Variants in HIPK2 observed in about 807,000 individuals in gnomAD.
HIPK2 encodes homeodomain interacting protein kinase 2, also known as homeodomain-interacting protein kinase 2.
In HIPK2, 27 loss-of-function variants were observed where a neutral mutation model predicts 113.7. The ratio of observed to expected loss-of-function variants is 0.24; its 90% confidence interval spans 0.17 to 0.33. The LOEUF (loss-of-function observed/expected upper bound fraction) is 0.33, where lower values mean the gene tolerates loss of function less well. Ranked by LOEUF, HIPK2 falls within the 10% of genes least tolerant of loss-of-function variation. The probability of loss-of-function intolerance (pLI) is 1.00; values close to 1 mark genes in which losing one functional copy is unlikely to be tolerated. For synonymous variants in HIPK2, 631 were observed against 642.2 expected, an observed-to-expected ratio of 0.98 and a Z score of 0.26; for missense variants, 1,257 against 1,588.0, an observed-to-expected ratio of 0.79 and a Z score of 3.54.
intron 2 of HIPK2, among the ~76,000 whole-genome samples, chr7:139,701,546 C>G (rs985374969): frequency 0.2 from 30,473 of 152,068 alleles, 3,445 homozygotes; most frequent in African/African-American, 0.31. Context: ...CTGAGACCTA[C>G]GTCTCTCTGT....
chr7:139,774,107 G>C (rs6947792), intron 1 of HIPK2, among the ~76,000 whole-genome samples: 9,711 of 152,212 alleles, frequency 0.064, 1,039 homozygotes, highest in African/African-American at 0.22. Context: ...GCCCAAACTG[G>C]AAAGGGAATC....
intron 2 of HIPK2, among the ~76,000 whole-genome samples, chr7:139,678,608 A>G (rs1326799253): frequency 3.3e-5 from 5 of 152,174 alleles, no homozygotes; most frequent in South Asian, 4.1e-4. Flanking sequence ...GTCAGGTAGC[A>G]TGATGCCGCT....
chr7:139,751,796 T>G (rs754679236), intron 1 of HIPK2, among the ~76,000 whole-genome samples: 2 of 152,132 alleles, frequency 1.3e-5, no homozygotes, highest in Non-Finnish European at 2.9e-5. Flanking sequence ...ACCCCAAAGA[T>G]AGACCTTCCA....
intron 9 of HIPK2, among the ~76,000 whole-genome samples, chr7:139,609,113 A>G (rs1222079916): frequency 1.3e-5 from 2 of 152,214 alleles, no homozygotes; most frequent in Non-Finnish European, 2.9e-5. Flanking sequence ...TACTGTCTCA[A>G]TCAAGAACTG....
chr7:139,600,309 T>C (rs1213001289), intron 11 of HIPK2, 108 bp downstream of exon 11: 2 of 1,275,832 alleles, frequency 1.6e-6, no homozygotes, highest in Non-Finnish European at 2.1e-6. Context: ...CCCCATCCCA[T>C]GCAACTGTCC....
intron 1 of HIPK2, among the ~76,000 whole-genome samples, chr7:139,755,485 A>G (rs1796347460): frequency 6.6e-6 from 1 of 152,212 alleles, no homozygotes; most frequent in Non-Finnish European, 1.5e-5. Context: ...ACAAAAAACA[A>G]TTTGTTTTCT....
chr7:139,741,827 T>C (rs1252955423), intron 1 of HIPK2, among the ~76,000 whole-genome samples: 3 of 152,254 alleles, frequency 2.0e-5, no homozygotes, highest in African/African-American at 7.2e-5. Context: ...TTTGAAATCA[T>C]AGATAAGTGG....
At chr7:139,735,001 T>A (rs1321786999) in intron 1 of HIPK2, among the ~76,000 whole-genome samples, 1 of 152,240 alleles carries the variant, frequency 6.6e-6, no homozygotes, top group Non-Finnish European at 1.5e-5. Flanking sequence ...TTGGTATAAC[T>A]ATGATATGTC....
chr7:139,749,886 G>T (rs1796253283), intron 1 of HIPK2, among the ~76,000 whole-genome samples: 1 of 152,168 alleles, frequency 6.6e-6, no homozygotes, highest in Admixed American at 6.5e-5. Context: ...GTGGTTTAGA[G>T]GAAATAACAC....
intron 6 of HIPK2, among the ~76,000 whole-genome samples, chr7:139,624,087 A>G (rs1320695333): frequency 1.3e-5 from 2 of 149,632 alleles, no homozygotes; most frequent in East Asian, 2.0e-4. Flanking sequence ...CAGTGGCACT[A>G]TCTCAGCTCA....
intron 2 of HIPK2, among the ~76,000 whole-genome samples, chr7:139,709,598 A>G (rs776913084): frequency 1.8e-4 from 28 of 152,204 alleles, no homozygotes; most frequent in Non-Finnish European, 3.1e-4. Flanking sequence ...CTGGCCACAG[A>G]CTGAACCACC....
intron 12 of HIPK2, among the ~76,000 whole-genome samples, chr7:139,587,136 AATTGTACAC>A (rs1798857237): frequency 6.6e-6 from 1 of 152,222 alleles, no homozygotes; most frequent in African/African-American, 2.4e-5. Flanking sequence ...AAAACCACTG[AATTGTACAC>A]ATTCAACGGG....
At chr7:139,727,089 G>A (rs376494645) in intron 1 of HIPK2, among the ~76,000 whole-genome samples, 13 of 152,296 alleles carry the variant, frequency 8.5e-5, no homozygotes, top group African/African-American at 2.4e-4. Flanking sequence ...TCAACACCTC[G>A]GTGGAAATGG....
chr7:139,708,513 C>T (rs1794973341), intron 2 of HIPK2, among the ~76,000 whole-genome samples: 1 of 152,208 alleles, frequency 6.6e-6, no homozygotes, highest in African/African-American at 2.4e-5. Flanking sequence ...TTAGATCCCA[C>T]TTGGAAAATG....
chr7:139,715,638 T>C (rs1373672904), intron 2 of HIPK2, among the ~76,000 whole-genome samples: 19 of 152,160 alleles, frequency 1.2e-4, no homozygotes, highest in Admixed American at 1.2e-3. Flanking sequence ...CCACCACCTG[T>C]CTGGATCCTA....
chr7:139,717,850 A>G lies in HIPK2; in HGVS notation c.20-835T>C, dbSNP rs190505381. ...ACCTCTGCCTCCCAGGTTTCAAGCC[A>G]TTCTCCTGCCTCAGCCTCCAAAGGC... is the stretch of plus-strand genomic sequence containing the variant. On this transcript the variant is annotated intron_variant, in intron 1 of 14. Transcript: ENST00000406875. 5.9e-5 allele frequency among the ~76,000 whole-genome samples: 9 copies of G among 152,122 alleles called. No homozygotes were observed. The East Asian group carries it at 1.7e-3, about 29-fold the overall frequency.
At chr7:139,762,439 G>C (rs935506596) in intron 1 of HIPK2, among the ~76,000 whole-genome samples, 1 of 152,184 alleles carries the variant, frequency 6.6e-6, no homozygotes, top group Non-Finnish European at 1.5e-5. Context: ...AAAGCTCTAG[G>C]GGAAAAGTGA....
chr7:139,639,796 C>T (rs1021324721), intron 2 of HIPK2, among the ~76,000 whole-genome samples: 1 of 152,240 alleles, frequency 6.6e-6, no homozygotes, highest in Non-Finnish European at 1.5e-5. Flanking sequence ...AGTGCACACC[C>T]TCAGCAGTTG....
chr7:139,699,222 G>T (rs1794642447), intron 2 of HIPK2, among the ~76,000 whole-genome samples: 1 of 152,082 alleles, frequency 6.6e-6, no homozygotes. Flanking sequence ...GGGCCGCAGG[G>T]AGTACATCTC....
Sources: gnomAD v4.1 joint callset for allele counts (sites outside exome capture counted in the v4.1 genomes callset) on GRCh38, gnomAD v4.1.1 for gene constraint, MANE v1.5 for transcripts, NCBI Gene and HGNC (gene_info 2026-07-23, HGNC 2026-07-21) for gene names.